ZNF536: variants seen among roughly 807,000 people sequenced by gnomAD.
ZNF536 encodes zinc finger protein 536.
A neutral mutation model predicts 84.5 loss-of-function variants in ZNF536; 13 were observed. The observed-to-expected ratio is 0.15, with a 90% CI of 0.10 to 0.24. ZNF536 has a LOEUF of 0.24. ZNF536 is among the 10% of genes least tolerant of loss of function. The pLI is 1.00. For missense variants in ZNF536, 1,536 were observed against 1,747.5 expected (o/e 0.88, Z 2.16); for synonymous variants, 811 against 742.5 (o/e 1.09, Z -1.50).
intron 1 of ZNF536, among the ~76,000 whole-genome samples, chr19:30,253,619 T>G (rs1206623926): frequency 6.6e-6 from 1 of 152,204 alleles, no homozygotes; most frequent in Non-Finnish European, 1.5e-5. Flanking sequence ...ACTGTGTCAT[T>G]CAGAATCTGT....
intron 3 of ZNF536, among the ~76,000 whole-genome samples, chr19:30,537,873 C>G (rs2045155140): frequency 6.6e-6 from 1 of 152,188 alleles, no homozygotes; most frequent in African/African-American, 2.4e-5. Context: ...TCCACCACCC[C>G]TCGGAAGCAG....
At chr19:30,657,635 C>T (rs2049964808) in intron 1 of ZNF536, among the ~76,000 whole-genome samples, 1 of 152,338 alleles carries the variant, frequency 6.6e-6, no homozygotes, top group Admixed American at 6.5e-5. Context: ...AGATTTCATG[C>T]CTCTCTTCTG....
chr19:30,534,067 A>G (rs2044970500), intron 2 of ZNF536, among the ~76,000 whole-genome samples: 1 of 152,240 alleles, frequency 6.6e-6, no homozygotes, highest in Non-Finnish European at 1.5e-5. Context: ...TCCGTTTTCT[A>G]ATGGTTTGGG....
At chr19:30,299,031 ACT>A (rs1768561694) in intron 2 of ZNF536, among the ~76,000 whole-genome samples, 1 of 152,092 alleles carries the variant, frequency 6.6e-6, no homozygotes, top group African/African-American at 2.4e-5. Flanking sequence ...AAAGAAAAAG[ACT>A]CTACAATGTG....
At chr19:30,680,702 G>T (rs149997687) in intron 1 of ZNF536, among the ~76,000 whole-genome samples, 2 of 152,000 alleles carry the variant, frequency 1.3e-5, no homozygotes, top group Non-Finnish European at 1.5e-5. Context: ...GAATAGTGCC[G>T]CAATAAACAT....
At chr19:30,598,610 A>G (rs1212395342) in intron 1 of ZNF536, among the ~76,000 whole-genome samples, 1 of 152,120 alleles carries the variant, frequency 6.6e-6, no homozygotes, top group Non-Finnish European at 1.5e-5. Flanking sequence ...CACTCCATCT[A>G]TCTAGACAAC....
At chr19:30,508,101 T>C (rs564858594) in intron 2 of ZNF536, among the ~76,000 whole-genome samples, 131 of 152,184 alleles carry the variant, frequency 8.6e-4, no homozygotes, top group African/African-American at 2.9e-3. Flanking sequence ...GCCCCAGCAG[T>C]CTGGAAAGGG....
intron 2 of ZNF536, among the ~76,000 whole-genome samples, chr19:30,515,517 C>T (rs1376234454): frequency 1.3e-5 from 2 of 152,092 alleles, no homozygotes; most frequent in Non-Finnish European, 2.9e-5. Flanking sequence ...GGAAGTGTCC[C>T]GTGCTGTTAG....
At chr19:30,232,747 T>G (rs190411156) in intron 1 of ZNF536, among the ~76,000 whole-genome samples, 5 of 152,324 alleles carry the variant, frequency 3.3e-5, no homozygotes, top group Admixed American at 2.6e-4. Context: ...TGGGTGGAAC[T>G]TAACAGATGA....
rs370076689 is a variant in ZNF536 at position 30,419,830 on chromosome 19, G to A, written c.-2-23731G>A. Among the ~76,000 whole-genome samples, 9 of 152,284 alleles carry A rather than the reference G, an allele frequency of 5.9e-5. No individual in the cohort carries two copies. In the South Asian group the frequency reaches 8.3e-4, roughly 14 times the overall value. On this transcript the variant is annotated intron_variant, in intron 1 of 4. Transcript: ENST00000355537. ...CCCATCCAGGCAGGACTCCCAACAC[G>A]TCCTCTGCTCCACGGCATCCTTTCC... is the stretch of plus-strand genomic sequence containing the variant.
chr19:30,414,585 C>T (rs2050633741), intron 1 of ZNF536, among the ~76,000 whole-genome samples: 1 of 152,158 alleles, frequency 6.6e-6, no homozygotes, highest in South Asian at 2.1e-4. Flanking sequence ...CATATGCATT[C>T]AGCATCCATA....
intron 3 of ZNF536, among the ~76,000 whole-genome samples, chr19:30,366,582 GTCTATCTATCTA>G (rs72156657): frequency 0.012 from 1,805 of 148,124 alleles, 15 homozygotes; most frequent in Middle Eastern, 0.02. Context: ...TCTATCATTT[GTCTATCTATCTA>G]TCTATCTATC....
chr19:30,685,567 C>A (rs1428754159), intron 1 of ZNF536, among the ~76,000 whole-genome samples: 1 of 152,022 alleles, frequency 6.6e-6, no homozygotes, highest in East Asian at 1.9e-4. Flanking sequence ...GGCAGCTTCA[C>A]CAGGGAACAC....
chr19:30,403,497 C>G (rs1474062431), intron 1 of ZNF536, among the ~76,000 whole-genome samples: 1 of 152,198 alleles, frequency 6.6e-6, no homozygotes, highest in Non-Finnish European at 1.5e-5. Flanking sequence ...TATCTCCAAT[C>G]AGGTCCAGGA....
At chr19:30,439,556 C>G (rs997504111) in intron 1 of ZNF536, among the ~76,000 whole-genome samples, 1 of 152,182 alleles carries the variant, frequency 6.6e-6, no homozygotes. Flanking sequence ...TGCTCTAAGT[C>G]GAGCAGCAGG....
At chr19:30,344,304 T>TATATATATATATATATATATATA (rs1460061348) in intron 2 of ZNF536, among the ~76,000 whole-genome samples, 2 of 66,248 alleles carry the variant, frequency 3.0e-5, no homozygotes, top group Non-Finnish European at 2.8e-5. Context: ...CACAAATATA[T>TATATATATATATATATATATATA]TGGCGGCCTC....
At chr19:30,365,685 G>A (rs1291489850) in intron 3 of ZNF536, among the ~76,000 whole-genome samples, 2 of 152,154 alleles carry the variant, frequency 1.3e-5, no homozygotes, top group East Asian at 1.9e-4. Flanking sequence ...CGGGGAATGA[G>A]AGGACTGACT....
chr19:30,356,233 T>C (rs917580057), intron 3 of ZNF536, among the ~76,000 whole-genome samples: 1 of 152,176 alleles, frequency 6.6e-6, no homozygotes, highest in African/African-American at 2.4e-5. Flanking sequence ...ATGTTCAGGT[T>C]GGGAGGCCCA....
chr19:30,500,721 G>A (rs2054915570), intron 2 of ZNF536, among the ~76,000 whole-genome samples: 1 of 152,210 alleles, frequency 6.6e-6, no homozygotes, highest in Non-Finnish European at 1.5e-5. Context: ...CTTGCTCCTG[G>A]TTCTAGAATC....
Sources: allele counts gnomAD v4.1 joint callset (sites outside exome capture counted in the v4.1 genomes callset), GRCh38; gene constraint gnomAD v4.1.1; transcripts MANE v1.5; gene names NCBI Gene and HGNC (gene_info 2026-07-23, HGNC 2026-07-21).